Variants in SESTD1 observed in about 807,000 individuals in gnomAD.
SESTD1 encodes SEC14 domain and spectrin repeat-containing protein 1.
Under a neutral mutation model 101.7 loss-of-function variants are expected in SESTD1, and 43 were observed. The ratio of observed to expected loss-of-function variants is 0.42; its 90% confidence interval spans 0.33 to 0.55. The LOEUF is 0.55. Ranked by LOEUF, SESTD1 falls within the 20% of genes least tolerant of loss-of-function variation. The probability of loss-of-function intolerance (pLI) is 0.07; values close to 1 mark genes in which losing one functional copy is unlikely to be tolerated. For synonymous variants in SESTD1, 283 were observed against 286.8 expected, an observed-to-expected ratio of 0.99 and a Z score of 0.13; for missense variants, 647 against 815.1, an observed-to-expected ratio of 0.79 and a Z score of 2.51.
In SESTD1 at chr2:179,124,532, A is replaced by G. The variant is rs1049022600; in HGVS notation, c.999T>C (p.Leu333=). 4 of 1,614,062 alleles carry G rather than the reference A, an allele frequency of 2.5e-6. No homozygotes were observed. Among genetic ancestry groups the G allele is most frequent in the Admixed American group, 3.3e-5 (2 of 60,014 alleles). Residue 333 remains leucine (L), a synonymous_variant, in exon 11 of 18, where the codon CTT becomes CTC. Transcript: ENST00000428443. The part of the protein sequence containing the change: ...HSEWFAVYVE[L]NQQIAALLNA... The stretch of plus-strand genomic sequence containing the variant: ...TCAAGAGTGCTGCAATTTGCTGATT[A>G]AGTTCCACATACACTGCAAACCATT...
Position 179,236,323 on chromosome 2 carries a change from T to TA in SESTD1, c.-26+28175dup, listed in dbSNP as rs552456681. On this transcript the variant is annotated intron_variant, in intron 1 of 17. Coordinates refer to ENST00000428443, the MANE Select transcript of SESTD1 (RefSeq NM_178123.5). The stretch of plus-strand genomic sequence containing the variant: ...GGCAACATAGTGAGACCTCATCTCT[T>TA]AAAAAAAAAAAAAAAAAAAAAAAAA... 6.4e-3 allele frequency among the ~76,000 whole-genome samples: 428 copies of TA among 66,692 alleles called. 15 individuals are homozygous for TA. The highest frequency in any genetic ancestry group is 0.017 in the East Asian group (40 of 2,374). 43.8% of individuals were successfully genotyped at this position (66,692 alleles called of 152,430 possible).
At position 179,206,592 on chromosome 2, in the gene SESTD1, G is replaced by T. The variant is rs2046593961; in HGVS notation, c.-25-14726C>A. Among the ~76,000 whole-genome samples, 2 of 135,230 alleles carry T rather than the reference G, an allele frequency of 1.5e-5. 1 individual carries two copies. Among genetic ancestry groups the T allele is most frequent in the Admixed American group, 1.4e-4 (2 of 13,964 alleles). The allele number at this position is 135,230 out of a possible 152,430, so 88.7% of individuals were successfully genotyped here. A position where few individuals can be genotyped will look rare whatever the true frequency, so the allele number is the denominator to read the frequency against. The stretch of plus-strand genomic sequence containing the variant: ...AAGGTAAGGCAGCTGGTGAAATTGG[G>T]GGAAGGGCCACAGGGTGAAGGATGC... On this transcript the variant is annotated intron_variant, in intron 1 of 17. Coordinates refer to ENST00000428443, the MANE Select transcript of SESTD1 (RefSeq NM_178123.5).
chr2:179,145,955 TAA>T (rs1370665032), intron 8 of SESTD1, among the ~76,000 whole-genome samples: 2 of 151,746 alleles, frequency 1.3e-5, no homozygotes, highest in African/African-American at 2.4e-5. Flanking sequence ...AAATCCAAAT[TAA>T]GAGAGAGATT....
intron 1 of SESTD1, among the ~76,000 whole-genome samples, chr2:179,196,536 C>G (rs913009364): frequency 1.3e-5 from 2 of 152,250 alleles, no homozygotes; most frequent in Non-Finnish European, 1.5e-5. Context: ...CAGCAGTAAC[C>G]TCTGCAGACT....
chr2:179,256,171 A>G (rs1253397297), intron 1 of SESTD1, among the ~76,000 whole-genome samples: 1 of 152,236 alleles, frequency 6.6e-6, no homozygotes, highest in African/African-American at 2.4e-5. Context: ...TCAAGGAGTA[A>G]GTTTGACTTT....
chr2:179,124,056 A>G (rs1369281963), intron 11 of SESTD1, among the ~76,000 whole-genome samples: 5 of 152,202 alleles, frequency 3.3e-5, no homozygotes, highest in Non-Finnish European at 7.3e-5. Flanking sequence ...CAGAATGCAA[A>G]AAAGTATTGA....
intron 1 of SESTD1, among the ~76,000 whole-genome samples, chr2:179,250,054 G>C (rs944346530): frequency 1.3e-5 from 2 of 152,090 alleles, no homozygotes; most frequent in Non-Finnish European, 2.9e-5. Context: ...TATTTGCTCT[G>C]TGAACAACAT....
At chr2:179,146,347 GAATC>G in intron 8 of SESTD1, 51 bp downstream of exon 8, 6 of 1,431,216 alleles carry the variant, frequency 4.2e-6, no homozygotes, top group Non-Finnish European at 5.9e-6. Flanking sequence ...TTTAATGAAC[GAATC>G]AATCCAATTG....
At position 179,103,845 on chromosome 2, in the gene SESTD1, A is replaced by C. The variant is rs2154393360; in HGVS notation, c.*6054T>G. The C allele has an allele frequency of 6.6e-6, 1 of 152,248 alleles. No individual in the cohort carries two copies. Among genetic ancestry groups the C allele is most frequent in the East Asian group, 1.9e-4 (1 of 5,174 alleles). 9.4% of individuals were successfully genotyped at this position (152,248 alleles called of 1,614,324 possible). Reference sequence around the variant, plus strand: ...ATGCATTTGCCAAACCTCAGTGAACACATATTTCTATGCACTTCATTGCAT... The same window carrying C: ...ATGCATTTGCCAAACCTCAGTGAACCCATATTTCTATGCACTTCATTGCAT... On this transcript the variant is annotated 3_prime_UTR_variant, in exon 18 of 18. Coordinates refer to ENST00000428443, the MANE Select transcript of SESTD1 (RefSeq NM_178123.5).
At chr2:179,247,192 T>C (rs1440597664) in intron 1 of SESTD1, among the ~76,000 whole-genome samples, 1 of 152,064 alleles carries the variant, frequency 6.6e-6, no homozygotes, top group African/African-American at 2.4e-5. Context: ...AATGTTTTGA[T>C]ATATAATGCA....
Position 179,203,931 on chromosome 2 carries a change from G to A in SESTD1, c.-25-12065C>T, listed in dbSNP as rs2046557228. 3.0e-5 allele frequency among the ~76,000 whole-genome samples: 4 copies of A among 134,368 alleles called. 1 individual carries two copies. The allele number at this position is 134,368 out of a possible 152,430, so 88.2% of individuals were successfully genotyped here. On this transcript the variant is annotated intron_variant, in intron 1 of 17. Transcript: ENST00000428443. ...AAATAAAAAGAAACAAATAAATAAAGTGAGGACAGTCTTGTGGGATTGAGC... is the reference window on the plus strand; with the variant it reads ...AAATAAAAAGAAACAAATAAATAAAATGAGGACAGTCTTGTGGGATTGAGC...
intron 1 of SESTD1, among the ~76,000 whole-genome samples, chr2:179,231,132 G>A (rs995563601): frequency 1.3e-5 from 2 of 152,100 alleles, no homozygotes; most frequent in African/African-American, 2.4e-5. Flanking sequence ...AGGAACTCAA[G>A]GAAAATTGTG....
intron 9 of SESTD1, among the ~76,000 whole-genome samples, chr2:179,138,539 T>C (rs936618698): frequency 6.6e-6 from 1 of 152,060 alleles, no homozygotes; most frequent in East Asian, 1.9e-4. Flanking sequence ...CCCTGACAAA[T>C]AGTGCCAGAG....
rs749323794 is a variant in SESTD1 at position 179,103,309 on chromosome 2, C to G, written c.*6590G>C. On this transcript the variant is annotated 3_prime_UTR_variant, in exon 18 of 18. Coordinates refer to ENST00000428443, the MANE Select transcript of SESTD1 (RefSeq NM_178123.5). ...CTTCTTCTAATACTTCAATATGGAT[C>G]ATAAAAATAGTTTACACCTTTATGC... is the stretch of plus-strand genomic sequence containing the variant. 6 of 152,030 alleles carry G rather than the reference C, an allele frequency of 3.9e-5. No homozygotes were observed. The highest frequency in any genetic ancestry group is 8.8e-5 in the Non-Finnish European group (6 of 68,006). The allele number at this position is 152,030 out of a possible 1,614,324, so 9.4% of individuals were successfully genotyped here. A position where few individuals can be genotyped will look rare whatever the true frequency, so the allele number is the denominator to read the frequency against.
At chr2:179,201,271 C>T (rs1207872138) in intron 1 of SESTD1, among the ~76,000 whole-genome samples, 1 of 130,756 alleles carries the variant, frequency 7.6e-6, no homozygotes, top group African/African-American at 3.2e-5. Context: ...AGTCAGGAAA[C>T]AACAGGTGCT....
At chr2:179,145,757 C>T (rs2045381392) in intron 8 of SESTD1, among the ~76,000 whole-genome samples, 1 of 152,100 alleles carries the variant, frequency 6.6e-6, no homozygotes, top group Admixed American at 6.6e-5. Context: ...ACTTGATCTT[C>T]GGCAAGTCAT....
In SESTD1 at chr2:179,151,344, G is replaced by A. The variant is rs16866663; in HGVS notation, c.417C>T (p.Cys139=). 2,647 of 1,608,280 alleles carry A rather than the reference G, an allele frequency of 1.6e-3. 64 individuals are homozygous for A. The East Asian group carries it at 0.055, about 33-fold the overall frequency. Reference sequence around the variant, plus strand: ...TCCCACCAAAATCTTCTGTTAATTGGCATGGTTCTATATAACGAGTCAATT... The same window carrying A: ...TCCCACCAAAATCTTCTGTTAATTGACATGGTTCTATATAACGAGTCAATT... ...ANKLTRYIEP[C]QLTEDFGGSL... is the part of the protein sequence containing the mutation. Residue 139 remains cysteine (C), a synonymous_variant, in exon 6 of 18, where the codon TGC becomes TGT. Transcript: ENST00000428443.
chr2:179,144,813 T>G (rs1243784844), intron 8 of SESTD1, among the ~76,000 whole-genome samples: 13 of 152,004 alleles, frequency 8.6e-5, no homozygotes, highest in Non-Finnish European at 1.2e-4. Context: ...AAATAGGACC[T>G]AGTAGCATAT....
chr2:179,185,439 T>A (rs1421534328), intron 2 of SESTD1, among the ~76,000 whole-genome samples: 1 of 144,224 alleles, frequency 6.9e-6, no homozygotes, highest in African/African-American at 2.5e-5. Flanking sequence ...CTATATTGTA[T>A]AATAGTAATA....
Sources: gnomAD v4.1 joint callset for allele counts (sites outside exome capture counted in the v4.1 genomes callset) on GRCh38, gnomAD v4.1.1 for gene constraint, MANE v1.5 for transcripts, NCBI Gene and HGNC (gene_info 2026-07-23, HGNC 2026-07-21) for gene names.